Variants in LMBR1 observed in about 807,000 individuals in gnomAD.
The protein encoded by LMBR1 is limb region 1 protein homolog.
In LMBR1, 52 loss-of-function variants were observed where a neutral mutation model predicts 73.9. That is an observed-to-expected ratio of 0.70 (90% confidence interval 0.56 to 0.89). The LOEUF (loss-of-function observed/expected upper bound fraction) is 0.89. Among genes scored for constraint, LMBR1 ranks in the 40% least tolerant of loss-of-function variants. The pLI, the probability that LMBR1 is intolerant of heterozygous loss-of-function variation, is 0.00. For synonymous variants in LMBR1, 215 were observed against 209.4 expected (o/e 1.03, Z -0.23); for missense variants, 539 against 579.8 (o/e 0.93, Z 0.72).
intron 10 of LMBR1, among the ~76,000 whole-genome samples, chr7:156,731,024 A>G (rs1013725873): frequency 1.4e-4 from 21 of 152,226 alleles, no homozygotes; most frequent in African/African-American, 5.1e-4. Flanking sequence ...ATTTATCAGA[A>G]AGATGCTTTA....
chr7:156,857,101 A>T (rs1478694069), intron 1 of LMBR1, among the ~76,000 whole-genome samples: 1 of 152,174 alleles, frequency 6.6e-6, no homozygotes, highest in Non-Finnish European at 1.5e-5. Context: ...AGACCAAAAA[A>T]ACCACCAAGA....
At chr7:156,845,969 A>G (rs958596699) in intron 1 of LMBR1, among the ~76,000 whole-genome samples, 2 of 151,418 alleles carry the variant, frequency 1.3e-5, no homozygotes, top group Non-Finnish European at 2.9e-5. Context: ...ATACCTCAGA[A>G]AAAAAAAAAC....
chr7:156,816,002 C>A (rs939243737), intron 4 of LMBR1, among the ~76,000 whole-genome samples: 1 of 150,628 alleles, frequency 6.6e-6, no homozygotes, highest in Admixed American at 6.6e-5. Flanking sequence ...ATTTATCTTT[C>A]TAATCATACA....
chr7:156,845,225 TGAGA>T (rs1839399206), intron 1 of LMBR1, among the ~76,000 whole-genome samples: 1 of 152,066 alleles, frequency 6.6e-6, no homozygotes, highest in African/African-American at 2.4e-5. Flanking sequence ...AACAAAATCC[TGAGA>T]GAGAAAGCAA....
chr7:156,850,191 G>C (rs919138936), intron 1 of LMBR1, among the ~76,000 whole-genome samples: 16 of 152,072 alleles, frequency 1.1e-4, no homozygotes, highest in African/African-American at 3.9e-4. Context: ...GTTACGGTGA[G>C]AGCAGGTTTG....
In LMBR1 at chr7:156,888,334, G is replaced by A. The variant is rs556168256; in HGVS notation, c.66+4594C>T. ...CTGAGGCAGGAGAATGGCATGAACC[G>A]GGGGGGCGGAGCTTGCAGTGAGCCG... is the stretch of plus-strand genomic sequence containing the variant. On this transcript the variant is annotated intron_variant, in intron 1 of 16. Coordinates refer to ENST00000353442, the MANE Select transcript of LMBR1 (RefSeq NM_022458.4). Among the ~76,000 whole-genome samples the A allele has an allele frequency of 9.5e-4, 143 of 150,802 alleles. No homozygotes were observed. The Middle Eastern group carries it at 0.014, about 14-fold the overall frequency.
At chr7:156,870,677 C>A (rs1799142394) in intron 1 of LMBR1, among the ~76,000 whole-genome samples, 1 of 151,366 alleles carries the variant, frequency 6.6e-6, no homozygotes, top group Admixed American at 6.6e-5. Context: ...AGGCAGGAGA[C>A]TGGTGTGAAC....
At chr7:156,843,651 G>C (rs965028467) in intron 1 of LMBR1, among the ~76,000 whole-genome samples, 8 of 152,032 alleles carry the variant, frequency 5.3e-5, no homozygotes, top group Admixed American at 1.3e-4. Context: ...TTCAACACCA[G>C]CCTGGCCAAC....
At chr7:156,806,335 C>T (rs1409937073) in intron 4 of LMBR1, among the ~76,000 whole-genome samples, 1 of 152,144 alleles carries the variant, frequency 6.6e-6, no homozygotes, top group Non-Finnish European at 1.5e-5. Context: ...TATCCTGCAG[C>T]CTTGAAGAAT....
chr7:156,823,664 A>G (rs998656495), intron 4 of LMBR1: 2 of 152,238 alleles, frequency 1.3e-5, no homozygotes, highest in Non-Finnish European at 2.9e-5. Flanking sequence ...TTTGAAAACC[A>G]CTAGCTTAAT....
At chr7:156,799,557 T>C (rs117328201) in intron 4 of LMBR1, among the ~76,000 whole-genome samples, 4,847 of 141,954 alleles carry the variant, frequency 0.034, 123 homozygotes, top group South Asian at 0.089. Context: ...TGGCTGTTCC[T>C]TCATCTCTCT....
At chr7:156,739,547 C>T (rs975701610) in intron 9 of LMBR1, among the ~76,000 whole-genome samples, 1 of 152,158 alleles carries the variant, frequency 6.6e-6, no homozygotes, top group East Asian at 1.9e-4. Context: ...TGTTGGTGGC[C>T]ACAGGAGTGC....
chr7:156,671,496 T>C (rs1443293199), intron 4 of LMBR1, among the ~76,000 whole-genome samples: 1 of 152,250 alleles, frequency 6.6e-6, no homozygotes, highest in Non-Finnish European at 1.5e-5. Context: ...ACATATTTTC[T>C]TTCAAAGTAC....
chr7:156,783,240 T>C (rs138488410), intron 5 of LMBR1, among the ~76,000 whole-genome samples: 31 of 152,286 alleles, frequency 2.0e-4, no homozygotes, highest in Admixed American at 1.4e-3. Context: ...GGTACAATCA[T>C]GGCTCACTGC....
intron 5 of LMBR1, among the ~76,000 whole-genome samples, chr7:156,767,266 G>T (rs1213765647): frequency 6.6e-6 from 1 of 152,066 alleles, no homozygotes; most frequent in Non-Finnish European, 1.5e-5. Context: ...ATCCTACCTG[G>T]TCCTTCACAA....
intron 9 of LMBR1, among the ~76,000 whole-genome samples, chr7:156,752,831 G>C (rs184531187): frequency 2.0e-5 from 3 of 152,236 alleles, no homozygotes; most frequent in African/African-American, 4.8e-5. Flanking sequence ...ACAGGGAGAG[G>C]CTAGCAGAAT....
At position 156,756,424 on chromosome 7, in the gene LMBR1, T is replaced by C; in HGVS notation, c.726A>G (p.Leu242=). 6.7e-7 allele frequency: 1 copy of C among 1,501,912 alleles called. No individual in the cohort carries two copies. Among genetic ancestry groups the C allele is most frequent in the Non-Finnish European group, 9.2e-7 (1 of 1,086,366 alleles). The allele number at this position is 1,501,912 out of a possible 1,614,324, so 93.0% of individuals were successfully genotyped here. The part of the protein sequence containing the change: ...DLDEQIYIIT[L]EEEALQRRLN... ...GTCGTCTCTGGAGTGCTTCTTCCTC[T>C]AAGGTAATGATATAAATTTGTTCAT... The change falls in exon 9 of 17, where the codon TTA becomes TTG. Residue 242 remains leucine, a synonymous_variant. Coordinates refer to ENST00000353442, the MANE Select transcript of LMBR1 (RefSeq NM_022458.4).
At chr7:156,710,741 G>A (rs912845825) in intron 15 of LMBR1, among the ~76,000 whole-genome samples, 3 of 152,118 alleles carry the variant, frequency 2.0e-5, no homozygotes, top group African/African-American at 7.2e-5. Flanking sequence ...AAGTCAAAAC[G>A]AAGGAAAGAA....
intron 15 of LMBR1, among the ~76,000 whole-genome samples, chr7:156,720,793 A>G (rs1279851063): frequency 1.3e-5 from 2 of 151,954 alleles, no homozygotes; most frequent in Non-Finnish European, 2.9e-5. Flanking sequence ...AATTATTTTT[A>G]TATCAATGTC....
Sources: allele counts gnomAD v4.1 joint callset (sites outside exome capture counted in the v4.1 genomes callset), GRCh38; gene constraint gnomAD v4.1.1; transcripts MANE v1.5; gene names NCBI Gene and HGNC (gene_info 2026-07-23, HGNC 2026-07-21).